Variants in PRKCA observed in about 807,000 individuals in gnomAD.
PRKCA encodes the protein protein kinase C alpha.
PRKCA carries 27 observed loss-of-function variants against 87.0 expected under a neutral mutation model. The observed-to-expected ratio is 0.31, with a 90% CI of 0.23 to 0.43. The LOEUF is 0.43. Ranked by LOEUF, PRKCA falls within the 20% of genes least tolerant of loss-of-function variation. The probability of loss-of-function intolerance (pLI) is 1.00; values close to 1 mark genes in which losing one functional copy is unlikely to be tolerated. For synonymous variants in PRKCA, 329 were observed against 311.1 expected (o/e 1.06, Z -0.61); for missense variants, 518 against 852.3 (o/e 0.61, Z 4.88).
chr17:66,458,626 A>G (rs1240606704), intron 2 of PRKCA, among the ~76,000 whole-genome samples: 2 of 151,994 alleles, frequency 1.3e-5, no homozygotes, highest in Non-Finnish European at 2.9e-5. Flanking sequence ...GACTACAGGC[A>G]TGCACCACCA....
chr17:66,685,529 C>T (rs1186096434), intron 5 of PRKCA, among the ~76,000 whole-genome samples: 1 of 152,168 alleles, frequency 6.6e-6, no homozygotes, highest in Non-Finnish European at 1.5e-5. Flanking sequence ...CTAGCCCCCT[C>T]CCCCTCTGTA....
At chr17:66,642,070 G>A (rs1320264053) in intron 4 of PRKCA, among the ~76,000 whole-genome samples, 1 of 152,006 alleles carries the variant, frequency 6.6e-6, no homozygotes, top group Non-Finnish European at 1.5e-5. Context: ...TTTTTGTTAC[G>A]TGTGTATCTC....
intron 2 of PRKCA, chr17:66,403,936 T>C (rs1028414587): frequency 3.9e-5 from 6 of 152,252 alleles, no homozygotes; most frequent in African/African-American, 1.2e-4. Flanking sequence ...TGTTGAATTT[T>C]GTTTATTCAA....
intron 2 of PRKCA, among the ~76,000 whole-genome samples, chr17:66,478,676 G>T (rs993698290): frequency 6.6e-6 from 1 of 152,012 alleles, no homozygotes; most frequent in African/African-American, 2.4e-5. Context: ...ATACATTAAT[G>T]GTTGAAAAAA....
rs1212117115 is a variant in PRKCA, at chr17:66,803,095, A to T, written c.1855-778A>T. On this transcript the variant is annotated intron_variant, in intron 16 of 16. Coordinates refer to ENST00000413366, the MANE Select transcript of PRKCA (RefSeq NM_002737.3). The surrounding 1 kb of genome is among the most constrained non-coding windows in gnomAD (Gnocchi z 4.4). ...GCCTAAGCGGCTGTGTGTCTCAGCGACCCCAGTGCAACAGTTCTGCCTGGA... is the reference window on the plus strand; with the variant it reads ...GCCTAAGCGGCTGTGTGTCTCAGCGTCCCCAGTGCAACAGTTCTGCCTGGA... 6.6e-6 allele frequency among the ~76,000 whole-genome samples: 1 copy of T among 151,934 alleles called. No individual in the cohort carries two copies. Among genetic ancestry groups the T allele is most frequent in the Non-Finnish European group, 1.5e-5 (1 of 67,974 alleles).
intron 2 of PRKCA, among the ~76,000 whole-genome samples, chr17:66,474,118 T>C (rs1427927045): frequency 6.6e-6 from 1 of 152,192 alleles, no homozygotes; most frequent in African/African-American, 2.4e-5. Flanking sequence ...AGACTATTAC[T>C]CTTATCGTTG....
intron 8 of PRKCA, among the ~76,000 whole-genome samples, chr17:66,726,268 T>G (rs111415197): frequency 4.7e-4 from 71 of 150,770 alleles, no homozygotes; most frequent in African/African-American, 1.4e-3. Flanking sequence ...GACAGAAAGC[T>G]CAGGTGTTCG....
At chr17:66,709,356 G>A (rs1326808370) in intron 8 of PRKCA, among the ~76,000 whole-genome samples, 1 of 128,288 alleles carries the variant, frequency 7.8e-6, no homozygotes, top group African/African-American at 3.1e-5. Flanking sequence ...TTGTTGCCTA[G>A]GCTGGAATGC....
rs531115110 is a variant in PRKCA, at chr17:66,633,723, C to CAA, written c.289-7629_289-7628dup. Among the ~76,000 whole-genome samples the CAA allele has an allele frequency of 3.3e-5, 5 of 152,276 alleles. No homozygotes were observed. The South Asian group carries it at 1.0e-3, about 32-fold the overall frequency. On this transcript the variant is annotated intron_variant, in intron 3 of 16. Transcript: ENST00000413366. Reference sequence around the variant, plus strand: ...AATTCAAGCCAGGATGACCTCTAACCAAAACCCTGCCATTATTTTACTCAT... The same window carrying CAA: ...AATTCAAGCCAGGATGACCTCTAACCAAAAAACCCTGCCATTATTTTACTCAT...
At chr17:66,383,265 A>G (rs1003014332) in intron 2 of PRKCA, among the ~76,000 whole-genome samples, 2 of 152,170 alleles carry the variant, frequency 1.3e-5, no homozygotes, top group African/African-American at 2.4e-5. Flanking sequence ...TGAATTTTTT[A>G]TGATTCTCGA....
chr17:66,654,028 G>A (rs910912350), intron 5 of PRKCA, among the ~76,000 whole-genome samples: 34 of 152,320 alleles, frequency 2.2e-4, no homozygotes, highest in Admixed American at 1.8e-3. Context: ...CTGGGGAGAG[G>A]CACAGCAAGA....
chr17:66,384,882 A>G (rs1909973947), intron 2 of PRKCA, among the ~76,000 whole-genome samples: 1 of 152,202 alleles, frequency 6.6e-6, no homozygotes, highest in Non-Finnish European at 1.5e-5. Context: ...CGCCCCCCTC[A>G]GCCTCCCAAA....
intron 4 of PRKCA, among the ~76,000 whole-genome samples, chr17:66,644,776 T>G (rs768515365): frequency 6.6e-6 from 1 of 152,118 alleles, no homozygotes; most frequent in Non-Finnish European, 1.5e-5. Flanking sequence ...TCCACAGATT[T>G]TCACTCTTTC....
At chr17:66,614,098 TCTTAA>T (rs1970451496) in intron 3 of PRKCA, among the ~76,000 whole-genome samples, 2 of 152,060 alleles carry the variant, frequency 1.3e-5, no homozygotes, top group Non-Finnish European at 1.5e-5. Context: ...GCTGACCTCA[TCTTAA>T]CTTAACTAAA....
rs182506029 is a variant in PRKCA, at chr17:66,621,759, C to T, written c.289-19596C>T. ...AAATAGTACCTCCTCTAGGTGCATACGTCCCAGGTGTGATCAGAAAGAGCT... is the reference window on the plus strand; with the variant it reads ...AAATAGTACCTCCTCTAGGTGCATATGTCCCAGGTGTGATCAGAAAGAGCT... On this transcript the variant is annotated intron_variant, in intron 3 of 16. Coordinates refer to ENST00000413366, the MANE Select transcript of PRKCA (RefSeq NM_002737.3). Among the ~76,000 whole-genome samples the T allele has an allele frequency of 1.8e-3, 274 of 152,204 alleles. 5 individuals carry two copies. The South Asian group carries it at 0.018, about 10-fold the overall frequency.
chr17:66,626,246 G>T (rs1970851821), intron 3 of PRKCA, among the ~76,000 whole-genome samples: 1 of 150,148 alleles, frequency 6.7e-6, no homozygotes, highest in African/African-American at 2.5e-5. Flanking sequence ...ATCCAGCAGT[G>T]GCATGATCTT....
At chr17:66,539,765 A>G (rs1279376156) in intron 3 of PRKCA, among the ~76,000 whole-genome samples, 2 of 152,202 alleles carry the variant, frequency 1.3e-5, no homozygotes, top group Non-Finnish European at 2.9e-5. Flanking sequence ...AGAAAACCTC[A>G]TCGTACCCAG....
chr17:66,644,954 C>T (rs948722737), intron 4 of PRKCA, among the ~76,000 whole-genome samples: 6 of 150,818 alleles, frequency 4.0e-5, no homozygotes, highest in African/African-American at 9.7e-5. Flanking sequence ...TATGCCACTG[C>T]ACTCTAGCCT....
intron 3 of PRKCA, among the ~76,000 whole-genome samples, chr17:66,502,718 G>A (rs943478798): frequency 8.6e-5 from 13 of 151,882 alleles, no homozygotes; most frequent in Admixed American, 4.6e-4. Flanking sequence ...GCAGTGGTGC[G>A]ATCTCGGCTC....
Sources: gnomAD v4.1 joint callset for allele counts (sites outside exome capture counted in the v4.1 genomes callset) on GRCh38, gnomAD v4.1.1 for gene constraint, Gnocchi (gnomAD v3.1) non-coding constraint, MANE v1.5 for transcripts, NCBI Gene and HGNC (gene_info 2026-07-23, HGNC 2026-07-21) for gene names.